The following PDE3B variants were observed in gnomAD, a reference collection of about 807,000 sequenced individuals.
PDE3B encodes cGMP-inhibited 3',5'-cyclic phosphodiesterase 3B.
In PDE3B, 66 loss-of-function variants were observed where a neutral mutation model predicts 116.8. The observed-to-expected ratio is 0.56, with a 90% CI of 0.46 to 0.69. The LOEUF is 0.69. Ranked by LOEUF, PDE3B falls within the 30% of genes least tolerant of loss-of-function variation. The pLI is 0.00. For missense variants in PDE3B, 1,384 were observed against 1,368.1 expected (o/e 1.01, Z -0.18); for synonymous variants, 595 against 533.6 (o/e 1.12, Z -1.59).
rs576180298 is a variant in PDE3B, at chr11:14,759,745, C to T, written c.979-12192C>T. Among the ~76,000 whole-genome samples the T allele has an allele frequency of 2.6e-5, 4 of 152,046 alleles. No individual in the cohort carries two copies. The Middle Eastern group carries it at 0.014, about 517-fold the overall frequency. On this transcript the variant is annotated intron_variant, in intron 1 of 15. Coordinates refer to ENST00000282096, the MANE Select transcript of PDE3B (RefSeq NM_000922.4). The stretch of plus-strand genomic sequence containing the variant: ...TGTATTTTTAGTAGATACAGGGTTT[C>T]ACCATGTTGGCCCAGATGGTCTCTA...
At chr11:14,892,327 T>C in the PDE3B span, 1 of 938,108 alleles carries the variant, frequency 1.1e-6, no homozygotes, top group South Asian at 1.5e-5. Context: ...GGCCATTGGC[T>C]GACTGAGTGA....
intron 1 of PDE3B, among the ~76,000 whole-genome samples, chr11:14,649,571 C>G (rs983019977): frequency 1.3e-5 from 2 of 152,148 alleles, no homozygotes; most frequent in Admixed American, 6.6e-5. Context: ...TGCCAGGTAT[C>G]TCCAATTATG....
At chr11:14,683,386 A>C (rs1229758792) in intron 1 of PDE3B, among the ~76,000 whole-genome samples, 1 of 151,988 alleles carries the variant, frequency 6.6e-6, no homozygotes, top group Non-Finnish European at 1.5e-5. Flanking sequence ...TATCTATCTC[A>C]TCATTGGTGA....
chr11:14,748,062 T>C (rs969061479), intron 1 of PDE3B, among the ~76,000 whole-genome samples: 1 of 152,252 alleles, frequency 6.6e-6, no homozygotes, highest in Non-Finnish European at 1.5e-5. Flanking sequence ...AAATGAGTGT[T>C]ATAAGCGAGT....
chr11:14,691,668 G>A (rs1248293375), intron 1 of PDE3B, among the ~76,000 whole-genome samples: 2 of 152,058 alleles, frequency 1.3e-5, no homozygotes, highest in East Asian at 1.9e-4. Flanking sequence ...CTGCCTTCAT[G>A]GAATTTACAT....
the PDE3B span, among the ~76,000 whole-genome samples, chr11:14,883,148 ACC>A: frequency 5.3e-5 from 8 of 152,178 alleles, no homozygotes; most frequent in Admixed American, 5.2e-4. Flanking sequence ...CCATCAAGCT[ACC>A]AATGACTTTC....
intron 1 of PDE3B, among the ~76,000 whole-genome samples, chr11:14,651,618 G>T (rs1223994401): frequency 1.3e-5 from 2 of 152,156 alleles, no homozygotes; most frequent in Non-Finnish European, 2.9e-5. Context: ...GGCTAGTCTA[G>T]TGGGTATGAA....
intron 2 of PDE3B, among the ~76,000 whole-genome samples, chr11:14,782,471 C>A (rs887854443): frequency 1.3e-5 from 2 of 152,182 alleles, no homozygotes; most frequent in Non-Finnish European, 2.9e-5. Context: ...CCACAACCAT[C>A]CAGTCTTTGA....
chr11:14,728,119 A>G (rs1219216495), intron 1 of PDE3B, among the ~76,000 whole-genome samples: 7 of 152,116 alleles, frequency 4.6e-5, no homozygotes, highest in Admixed American at 2.0e-4. Context: ...TGTTATAAAT[A>G]ATATGATTAG....
At chr11:14,880,692 T>A in the PDE3B span, 1 of 1,596,008 alleles carries the variant, frequency 6.3e-7, no homozygotes, top group Non-Finnish European at 8.5e-7. Context: ...TTTGGCCATA[T>A]CCAAAATATC....
chr11:14,858,858 C>A (rs372018843), intron 12 of PDE3B, among the ~76,000 whole-genome samples, 185 bp from the exon 13 acceptor site: 4 of 152,290 alleles, frequency 2.6e-5, no homozygotes, highest in East Asian at 3.8e-4. Flanking sequence ...ATCTTAACCT[C>A]TTTGTACTTC....
At chr11:14,885,223 C>T in the PDE3B span, among the ~76,000 whole-genome samples, 2 of 152,124 alleles carry the variant, frequency 1.3e-5, no homozygotes, top group African/African-American at 4.8e-5. Context: ...CTGTCTGTTG[C>T]TGCTTTCTTC....
At chr11:14,891,571 G>T in the PDE3B span, 17 of 1,028,768 alleles carry the variant, frequency 1.7e-5, no homozygotes, top group Non-Finnish European at 1.8e-5. Flanking sequence ...TTGATTTTCC[G>T]ACAAGCCGCG....
intron 12 of PDE3B, among the ~76,000 whole-genome samples, chr11:14,852,499 A>T (rs1382393811): frequency 4.6e-5 from 7 of 152,244 alleles, no homozygotes; most frequent in African/African-American, 1.4e-4. Flanking sequence ...CAAGTTGCAT[A>T]CTCAATTGTT....
At chr11:14,879,422 T>C in the PDE3B span, 1 of 1,603,412 alleles carries the variant, frequency 6.2e-7, no homozygotes, top group Non-Finnish European at 8.5e-7. Context: ...CATAATTAAA[T>C]CAATCTCTTT....
chr11:14,742,657 A>G (rs375763993), intron 1 of PDE3B, among the ~76,000 whole-genome samples: 7 of 152,248 alleles, frequency 4.6e-5, no homozygotes, highest in African/African-American at 1.7e-4. Flanking sequence ...AGAGGAGAAG[A>G]GGCGTTGTGT....
At chr11:14,789,549 G>C (rs933018002) in intron 4 of PDE3B, among the ~76,000 whole-genome samples, 4 of 152,012 alleles carry the variant, frequency 2.6e-5, no homozygotes, top group Admixed American at 2.6e-4. Flanking sequence ...ATCGATAGAA[G>C]TGGCCATTAC....
rs959355418 is a variant in PDE3B, at chr11:14,681,614, A to T, written c.978+36561A>T. ...ATACATTGTAAAGCTGAAAAATTGT[A>T]AGTTGTACCATCATAGGTTGAGGAC... On this transcript the variant is annotated intron_variant, in intron 1 of 15. Coordinates refer to ENST00000282096, the MANE Select transcript of PDE3B (RefSeq NM_000922.4). Among the ~76,000 whole-genome samples, 8 of 152,308 alleles carry T rather than the reference A, an allele frequency of 5.3e-5. No homozygotes were observed. The Middle Eastern group carries it at 0.01, about 194-fold the overall frequency.
intron 1 of PDE3B, among the ~76,000 whole-genome samples, chr11:14,724,758 T>C (rs1440695147): frequency 6.6e-6 from 1 of 151,904 alleles, no homozygotes; most frequent in African/African-American, 2.4e-5. Flanking sequence ...TGAGAGGGAG[T>C]GAGAAGAGAA....
Sources: allele counts gnomAD v4.1 joint callset (sites outside exome capture counted in the v4.1 genomes callset), GRCh38; gene constraint gnomAD v4.1.1; transcripts MANE v1.5; gene names NCBI Gene and HGNC (gene_info 2026-07-23, HGNC 2026-07-21).